Variants in CAMTA1 observed in about 807,000 individuals in gnomAD.
The protein encoded by CAMTA1 is calmodulin-binding transcription activator 1.
CAMTA1 carries 27 observed loss-of-function variants against 170.9 expected under a neutral mutation model. That is an observed-to-expected ratio of 0.16 (90% confidence interval 0.12 to 0.22). The LOEUF is 0.22. CAMTA1 is among the 10% of genes least tolerant of loss of function. CAMTA1 has a pLI of 1.00. For synonymous variants in CAMTA1, 833 were observed against 891.5 expected, an observed-to-expected ratio of 0.93 and a Z score of 1.17; for missense variants, 1,619 against 2,217.2, an observed-to-expected ratio of 0.73 and a Z score of 5.42.
intron 3 of CAMTA1, among the ~76,000 whole-genome samples, chr1:6,925,733 G>A (rs1682959118): frequency 6.6e-6 from 1 of 152,194 alleles, no homozygotes; most frequent in Non-Finnish European, 1.5e-5. Flanking sequence ...CATAAGTGGA[G>A]CCCTGGTCCC....
chr1:7,637,120 C>T (rs1440573495), intron 6 of CAMTA1, among the ~76,000 whole-genome samples: 6 of 152,240 alleles, frequency 3.9e-5, no homozygotes, highest in Non-Finnish European at 5.9e-5. Context: ...CATGCAGGAA[C>T]TCCACGGTTT....
chr1:7,710,687 T>C (rs1431919186), intron 11 of CAMTA1, among the ~76,000 whole-genome samples: 1 of 151,396 alleles, frequency 6.6e-6, no homozygotes, highest in Non-Finnish European at 1.5e-5. Flanking sequence ...GCTCTAGATG[T>C]ACAATGATGT....
intron 4 of CAMTA1, among the ~76,000 whole-genome samples, chr1:7,222,938 C>T (rs1661058055): frequency 6.6e-6 from 1 of 152,394 alleles, no homozygotes; most frequent in East Asian, 1.9e-4. Flanking sequence ...AGGTGCCCGG[C>T]ACCCTGTGTG....
chr1:7,262,297 C>T (rs553783317), intron 5 of CAMTA1, among the ~76,000 whole-genome samples: 1 of 152,090 alleles, frequency 6.6e-6, no homozygotes, highest in Non-Finnish European at 1.5e-5. Flanking sequence ...CGCGGTGGCT[C>T]ACGTCTGTAA....
At chr1:7,227,426 C>T (rs921562092) in intron 4 of CAMTA1, among the ~76,000 whole-genome samples, 4 of 151,970 alleles carry the variant, frequency 2.6e-5, no homozygotes, top group Non-Finnish European at 4.4e-5. Flanking sequence ...CTTCTGGGTT[C>T]AAGCGATTCT....
chr1:6,814,044 T>C (rs1645497457), intron 1 of CAMTA1, among the ~76,000 whole-genome samples: 1 of 152,182 alleles, frequency 6.6e-6, no homozygotes, highest in South Asian at 2.1e-4. Context: ...GTATTAAGTA[T>C]TACCAGAGAT....
At chr1:7,537,425 C>A (rs527935317) in intron 6 of CAMTA1, among the ~76,000 whole-genome samples, 2 of 152,218 alleles carry the variant, frequency 1.3e-5, no homozygotes, top group East Asian at 1.9e-4. Context: ...CAGAGAGGCC[C>A]CTGCCCGAGC....
At chr1:7,355,060 T>C (rs2084988981) in intron 5 of CAMTA1, among the ~76,000 whole-genome samples, 1 of 151,802 alleles carries the variant, frequency 6.6e-6, no homozygotes, top group African/African-American at 2.4e-5. Flanking sequence ...ACAAAAATTA[T>C]CCAGGCATGG....
chr1:7,439,320 T>A (rs78090824), intron 5 of CAMTA1, among the ~76,000 whole-genome samples: 9 of 152,320 alleles, frequency 5.9e-5, no homozygotes, highest in African/African-American at 1.9e-4. Context: ...TGGCTGCGAC[T>A]CTGATGTTCT....
intron 3 of CAMTA1, among the ~76,000 whole-genome samples, chr1:6,943,299 A>G (rs1448673524): frequency 6.6e-6 from 1 of 151,664 alleles, no homozygotes; most frequent in Non-Finnish European, 1.5e-5. Context: ...TCAGGGCTCA[A>G]CTGTGGTCCC....
chr1:7,661,957 A>G, intron 8 of CAMTA1, 91 bp downstream of exon 8: 1 of 1,428,130 alleles, frequency 7.0e-7, no homozygotes, highest in South Asian at 1.3e-5. Flanking sequence ...GGGAGTAGCC[A>G]TGACATCTAG....
intron 5 of CAMTA1, among the ~76,000 whole-genome samples, chr1:7,326,178 G>A (rs1679236411): frequency 6.6e-6 from 1 of 152,124 alleles, no homozygotes; most frequent in Non-Finnish European, 1.5e-5. Context: ...AGGTTTTGTG[G>A]ACCTTAAGCT....
intron 4 of CAMTA1, among the ~76,000 whole-genome samples, chr1:7,220,205 AG>A (rs1299822548): frequency 6.6e-6 from 1 of 152,212 alleles, no homozygotes; most frequent in East Asian, 1.9e-4. Flanking sequence ...GACTCATTGC[AG>A]GGGGTCAAGA....
chr1:7,499,411 G>A (rs2093928241), intron 6 of CAMTA1, among the ~76,000 whole-genome samples: 3 of 117,660 alleles, frequency 2.5e-5, no homozygotes, highest in South Asian at 3.4e-4. Context: ...ACATGAGTGT[G>A]TAGAGAGGAT....
chr1:6,789,424 C>CAT (rs1640382585), intron 1 of CAMTA1, among the ~76,000 whole-genome samples: 1 of 152,174 alleles, frequency 6.6e-6, no homozygotes, highest in Admixed American at 6.5e-5. Flanking sequence ...TGAGGTAGCC[C>CAT]ATCTCAAAAT....
intron 6 of CAMTA1, among the ~76,000 whole-genome samples, chr1:7,554,817 A>T (rs1387397637): frequency 1.3e-5 from 2 of 151,220 alleles, no homozygotes; most frequent in African/African-American, 4.9e-5. Context: ...ATCCCCCCCA[A>T]CCCCATGCCA....
chr1:7,479,978 T>C (rs2093486232), intron 6 of CAMTA1, among the ~76,000 whole-genome samples: 1 of 152,024 alleles, frequency 6.6e-6, no homozygotes, highest in Non-Finnish European at 1.5e-5. Flanking sequence ...AGTGTGTATA[T>C]ATGTGAATGT....
chr1:7,009,633 C>T (rs865950740), intron 3 of CAMTA1, among the ~76,000 whole-genome samples: 5 of 152,228 alleles, frequency 3.3e-5, no homozygotes, highest in Non-Finnish European at 1.5e-5. Context: ...ACCTGCAGCT[C>T]CAGGAAGCTC....
At chr1:7,213,855 G>C (rs1474104591) in intron 4 of CAMTA1, among the ~76,000 whole-genome samples, 1 of 151,914 alleles carries the variant, frequency 6.6e-6, no homozygotes, top group South Asian at 2.1e-4. Flanking sequence ...GAGAACATGC[G>C]GTGGTTGTTT....
Sources: allele counts gnomAD v4.1 joint callset (sites outside exome capture counted in the v4.1 genomes callset), GRCh38; gene constraint gnomAD v4.1.1; transcripts MANE v1.5; gene names NCBI Gene and HGNC (gene_info 2026-07-23, HGNC 2026-07-21).